Variants in ZNF652 observed in about 807,000 individuals in gnomAD.
The protein encoded by ZNF652 is zinc finger protein 652.
A neutral mutation model predicts 45.2 loss-of-function variants in ZNF652; 16 were observed. That is an observed-to-expected ratio of 0.35 (90% CI 0.24 to 0.54). ZNF652 has a LOEUF of 0.54. Among genes scored for constraint, ZNF652 ranks in the 20% least tolerant of loss-of-function variants. The pLI is 0.91. For missense variants in ZNF652, 614 were observed against 765.6 expected (o/e 0.80, Z 2.34); for synonymous variants, 250 against 260.6 (o/e 0.96, Z 0.39).
rs145872261 is a variant in ZNF652 at position 49,307,545 on chromosome 17, G to C, written c.1309+3767C>G. ...TCATGAGGTCAGGAGTTCAAGACCA[G>C]CCTGGCCAACACAGTGAAACCCCCA... is the stretch of plus-strand genomic sequence containing the variant. On this transcript the variant is annotated intron_variant, in intron 5 of 5. Coordinates refer to ENST00000430262, the MANE Select transcript of ZNF652 (RefSeq NM_001145365.3). 5.3e-3 allele frequency among the ~76,000 whole-genome samples: 763 copies of C among 144,244 alleles called. 9 individuals are homozygous for C. The highest frequency in any genetic ancestry group is 0.019 in the African/African-American group (737 of 38,552). The allele number at this position is 144,244 out of a possible 152,430, so 94.6% of individuals were successfully genotyped here.
At chr17:49,356,161 C>G (rs2070333922) in intron 1 of ZNF652, among the ~76,000 whole-genome samples, 1 of 152,070 alleles carries the variant, frequency 6.6e-6, no homozygotes, top group South Asian at 2.1e-4. Flanking sequence ...GGCGCAGTGG[C>G]TCACACCTGT....
At chr17:49,339,055 C>T (rs1040903856) in intron 1 of ZNF652, among the ~76,000 whole-genome samples, 4 of 152,024 alleles carry the variant, frequency 2.6e-5, no homozygotes, top group Non-Finnish European at 4.4e-5. Context: ...CAGACTTGGG[C>T]GGACTTCTGG....
At chr17:49,351,597 G>A (rs191291196) in intron 1 of ZNF652, among the ~76,000 whole-genome samples, 7 of 152,172 alleles carry the variant, frequency 4.6e-5, no homozygotes, top group African/African-American at 1.7e-4. Context: ...ATATATATGT[G>A]CGCTCATATT....
At position 49,292,336 on chromosome 17, in the gene ZNF652, C is replaced by T. The variant is rs1164008886; in HGVS notation, c.*6077G>A. On this transcript the variant is annotated 3_prime_UTR_variant, in exon 6 of 6. Transcript: ENST00000430262. The stretch of plus-strand genomic sequence containing the variant: ...TAGCCAATTGCTAAATGTTTCATCA[C>T]GGAGGTGCTCGATCATATTATATAA... Among the ~76,000 whole-genome samples the T allele has an allele frequency of 1.3e-5, 2 of 152,094 alleles. No individual in the cohort carries two copies. Among genetic ancestry groups the T allele is most frequent in the African/African-American group, 4.8e-5 (2 of 41,406 alleles).
chr17:49,296,112 G>C lies in ZNF652; in HGVS notation c.*2301C>G, dbSNP rs2143684681. 6.6e-6 allele frequency: 1 copy of C among 152,274 alleles called. No homozygotes were observed. The highest frequency in any genetic ancestry group is 2.1e-4 in the South Asian group (1 of 4,828). 9.4% of individuals were successfully genotyped at this position (152,274 alleles called of 1,614,324 possible). A position where few individuals can be genotyped will look rare whatever the true frequency, so the allele number is the denominator to read the frequency against. ...TGTCATGGAATGCCAAGGAGACTGT[G>C]GAGGGAGAGGGAGACAACCACTAAA... On this transcript the variant is annotated 3_prime_UTR_variant, in exon 6 of 6. Transcript: ENST00000430262.
In ZNF652 at chr17:49,293,259, TAAGTA is replaced by T. The variant is rs1158020589; in HGVS notation, c.*5149_*5153del. 1.1e-4 allele frequency among the ~76,000 whole-genome samples: 16 copies of T among 152,204 alleles called. No homozygotes were observed. The highest frequency in any genetic ancestry group is 6.5e-4 in the Admixed American group (10 of 15,276). On this transcript the variant is annotated 3_prime_UTR_variant, in exon 6 of 6. Transcript: ENST00000430262. ...TGTATGTCTGCAAAGTATTCTGACT[TAAGTA>T]AAGAATTTGATAAATGGTATGTGAT...
Position 49,317,191 on chromosome 17 carries a change from C to T in ZNF652, c.535G>A (p.Glu179Lys). ...YGENEKQKKK[E>K]KIVEKVSVTQ... is the part of the protein sequence containing the mutation. Reference sequence around the variant, plus strand: ...ACGCTGACTTTCTCTACTATCTTCTCCTTTTTCTTCTGCTTTTCATTCTCT... The same window carrying T: ...ACGCTGACTTTCTCTACTATCTTCTTCTTTTTCTTCTGCTTTTCATTCTCT... Residue 179 changes from glutamate to lysine, a missense_variant, in exon 2 of 6, where the codon GAG (glutamate) becomes AAG (lysine). Physicochemically the swap from Glu to Lys is moderately conservative, Grantham distance 56. Coordinates refer to ENST00000430262, the MANE Select transcript of ZNF652 (RefSeq NM_001145365.3). 6.2e-7 allele frequency: 1 copy of T among 1,613,696 alleles called. No homozygotes were observed. The highest frequency in any genetic ancestry group is 8.5e-7 in the Non-Finnish European group (1 of 1,180,012).
At chr17:49,303,278 T>C (rs2069580413) in intron 5 of ZNF652, among the ~76,000 whole-genome samples, 1 of 103,522 alleles carries the variant, frequency 9.7e-6, no homozygotes, top group Non-Finnish European at 1.8e-5. Context: ...TCTCATTCTG[T>C]CACCCAGGCT....
intron 1 of ZNF652, among the ~76,000 whole-genome samples, chr17:49,354,019 A>G (rs534165585): frequency 6.6e-6 from 1 of 152,332 alleles, no homozygotes; most frequent in Admixed American, 6.5e-5. Context: ...AGAACAAACT[A>G]CCTTTTGGAT....
chr17:49,325,107 G>T (rs974807882), intron 1 of ZNF652, among the ~76,000 whole-genome samples: 6 of 152,082 alleles, frequency 3.9e-5, no homozygotes, highest in African/African-American at 1.4e-4. Context: ...TGATAGTCTG[G>T]CACAAGAGGC....
rs368605602 is a variant in ZNF652, at chr17:49,312,867, A to C, written c.901-22T>G. ...CACACTGAGCAGGATAAATAGAAAT[A>C]ATATTTATAGGGGCTTACAGCATGC... On this transcript the variant is annotated intron_variant, in intron 2 of 5. Transcript: ENST00000430262. 1.8e-4 allele frequency: 293 copies of C among 1,607,226 alleles called. 1 individual carries two copies. The highest frequency in any genetic ancestry group is 3.1e-5 in the Non-Finnish European group (36 of 1,177,060).
At chr17:49,288,734 T>C (rs1173528655), downstream of ZNF652, among the ~76,000 whole-genome samples, 1 of 152,228 alleles carries the variant, frequency 6.6e-6, no homozygotes, top group East Asian at 1.9e-4. Context: ...AATAAATGAA[T>C]GACTGAATGA....
At chr17:49,327,777 A>AT (rs2069980136) in intron 1 of ZNF652, among the ~76,000 whole-genome samples, 1 of 2,174 alleles carries the variant, frequency 4.6e-4, no homozygotes, top group African/African-American at 1.4e-3. Flanking sequence ...ATATATATAT[A>AT]TATTTTTTTT....
rs1471656569 is a variant in ZNF652, at chr17:49,289,511, T to C, written c.*8902A>G. On this transcript the variant is annotated 3_prime_UTR_variant, in exon 6 of 6. Coordinates refer to ENST00000430262, the MANE Select transcript of ZNF652 (RefSeq NM_001145365.3). ...GGGGAAATCAGTACATTGAGGGATC[T>C]GACAGGATGCTGGAAAAAATGACTC... The C allele has an allele frequency of 1.3e-5, 2 of 152,258 alleles. No homozygotes were observed. Among genetic ancestry groups the C allele is most frequent in the African/African-American group, 4.8e-5 (2 of 41,478 alleles). The allele number at this position is 152,258 out of a possible 1,614,324, so 9.4% of individuals were successfully genotyped here.
At chr17:49,300,025 T>C (rs1302147107) in intron 5 of ZNF652, among the ~76,000 whole-genome samples, 5 of 152,122 alleles carry the variant, frequency 3.3e-5, no homozygotes, top group Non-Finnish European at 5.9e-5. Context: ...GTAAGAATTT[T>C]CTGAAAATGT....
rs1337922693 is a variant in ZNF652, at chr17:49,315,049, T to G, written c.900+1777A>C. On this transcript the variant is annotated intron_variant, in intron 2 of 5. Transcript: ENST00000430262. The stretch of plus-strand genomic sequence containing the variant: ...AGGGGAGGGTTTTAGTTTGTTTTTT[T>G]TTTTTTTTTGAGACGGAGCTTCACT... Among the ~76,000 whole-genome samples, 10 of 148,966 alleles carry G rather than the reference T, an allele frequency of 6.7e-5. No homozygotes were observed. In the East Asian group the frequency reaches 1.8e-3, roughly 27 times the overall value.
At chr17:49,358,926 C>T (rs1009239653) in intron 1 of ZNF652, among the ~76,000 whole-genome samples, 8 of 152,190 alleles carry the variant, frequency 5.3e-5, no homozygotes, top group Non-Finnish European at 1.2e-4. Flanking sequence ...GGCACCACTA[C>T]TCCTTAAGTG....
intron 5 of ZNF652, 73 bp from the exon 6 acceptor site, chr17:49,298,997 A>G: frequency 7.0e-7 from 1 of 1,433,672 alleles, no homozygotes; most frequent in Admixed American, 2.4e-5. Flanking sequence ...TTTTTTTTTA[A>G]TAGAAATGGG....
Position 49,295,106 on chromosome 17 carries a change from C to CT in ZNF652, c.*3306dup, listed in dbSNP as rs149366488. ...CAGAAGCATTAATGTTGTGAATATT[C>CT]TTTTTTTTTTTTTTTTTGAGATGGA... On this transcript the variant is annotated 3_prime_UTR_variant, in exon 6 of 6. Coordinates refer to ENST00000430262, the MANE Select transcript of ZNF652 (RefSeq NM_001145365.3). 21,100 of 137,022 alleles carry CT rather than the reference C, an allele frequency of 0.15. 1,782 individuals carry two copies. The highest frequency in any genetic ancestry group is 0.24 in the South Asian group (1,050 of 4,334). The allele number at this position is 137,022 out of a possible 1,614,324, so 8.5% of individuals were successfully genotyped here.
Sources: allele counts gnomAD v4.1 joint callset (sites outside exome capture counted in the v4.1 genomes callset), GRCh38; gene constraint gnomAD v4.1.1; transcripts MANE v1.5; gene names NCBI Gene and HGNC (gene_info 2026-07-23, HGNC 2026-07-21).